Variants in FUT1 observed in about 807,000 individuals in gnomAD.
FUT1 encodes the protein fucosyltransferase 1 (H blood group).
For synonymous variants in FUT1, 215 were observed against 208.7 expected (o/e 1.03, Z -0.26); for missense variants, 476 against 492.7 (o/e 0.97, Z 0.32).
At position 48,748,924 on chromosome 19, in the gene FUT1, G is replaced by T; in HGVS notation, c.*1260C>A. The T allele has an allele frequency of 6.5e-6, 1 of 152,750 alleles. No homozygotes were observed. Among genetic ancestry groups the T allele is most frequent in the South Asian group, 1.9e-4 (1 of 5,342 alleles). The allele number at this position is 152,750 out of a possible 1,614,324, so 9.5% of individuals were successfully genotyped here. A position where few individuals can be genotyped will look rare whatever the true frequency, so the allele number is the denominator to read the frequency against. On this transcript the variant is annotated 3_prime_UTR_variant, in exon 2 of 2. Transcript: ENST00000645652. Reference sequence around the variant, plus strand: ...CCCAGCATTCTGGGAGGCCAAGGTGGGAGGACTGCTTGAGCCCAGGAGTTG... The same window carrying T: ...CCCAGCATTCTGGGAGGCCAAGGTGTGAGGACTGCTTGAGCCCAGGAGTTG...
At chr19:48,752,982 C>T (rs2034027940), upstream of FUT1, 1 of 810,550 alleles carries the variant, frequency 1.2e-6, no homozygotes, top group Admixed American at 6.2e-5. This position sits in a 1 kb window ranked among gnomAD's most constrained non-coding sequence, Gnocchi z 4.3. Context: ...AATCCGCCGC[C>T]CTCTCTCTTC....
chr19:48,750,085 C>T lies in FUT1; in HGVS notation c.*99G>A, dbSNP rs2033969547. On this transcript the variant is annotated 3_prime_UTR_variant, in exon 2 of 2. Transcript: ENST00000645652. ...TCTGGATACGGGCACCCATTTGCTT[C>T]AGGAACACCACAAGCTTCTCCAGAA... 4 of 1,455,952 alleles carry T rather than the reference C, an allele frequency of 2.7e-6. No individual in the cohort carries two copies. The African/African-American group carries it at 5.6e-5, about 20-fold the overall frequency. 90.2% of individuals were successfully genotyped at this position (1,455,952 alleles called of 1,614,324 possible).
rs1019477436 is a variant in FUT1 at position 48,750,405 on chromosome 19, C to G, written c.877G>C (p.Asp293His). 1.9e-6 allele frequency: 3 copies of G among 1,614,244 alleles called. No homozygotes were observed. The Admixed American group carries it at 5.0e-5, about 27-fold the overall frequency. ...GDGQEATPWK[D>H]FALLTQCNHT... ...TTGCACTGTGTGAGCAGGGCAAAGTCTTTCCACGGTGTAGCCTCCTGTCCA... is the reference window on the plus strand; with the variant it reads ...TTGCACTGTGTGAGCAGGGCAAAGTGTTTCCACGGTGTAGCCTCCTGTCCA... Residue 293 changes from aspartate to histidine, a missense_variant, in exon 2 of 2, where the codon GAC becomes CAC. Physicochemically the swap from Asp to His is moderately conservative, Grantham distance 81. Coordinates refer to ENST00000645652, the MANE Select transcript of FUT1 (RefSeq NM_001384359.1).
At position 48,750,809 on chromosome 19, in the gene FUT1, C is replaced by T. The variant is rs762738599; in HGVS notation, c.473G>A (p.Arg158Lys). The change falls in exon 2 of 2, where the codon AGA (arginine) becomes AAA (lysine). Residue 158 changes from arginine to lysine, a missense_variant. Coordinates refer to ENST00000645652, the MANE Select transcript of FUT1 (RefSeq NM_001384359.1). Reference sequence around the variant, plus strand: ...GCCAGAGAGCTTCAGGAAAGGATCTCTCAAGTCCGCGTACTCCTCCGACAT... The same window carrying T: ...GCCAGAGAGCTTCAGGAAAGGATCTTTCAAGTCCGCGTACTCCTCCGACAT... ...DWMSEEYADL[R>K]DPFLKLSGFP... 31 of 1,613,870 alleles carry T rather than the reference C, an allele frequency of 1.9e-5. No individual in the cohort carries two copies. In the Admixed American group the frequency reaches 5.2e-4, roughly 27 times the overall value.
upstream of FUT1, chr19:48,753,307 A>G (rs557634534): frequency 6.6e-6 from 1 of 152,540 alleles, no homozygotes; most frequent in Admixed American, 6.5e-5. Flanking sequence ...TCCCGTGCCA[A>G]ACTGCTACTT....
In FUT1 at chr19:48,750,518, G is replaced by C; in HGVS notation, c.764C>G (p.Ala255Gly). 1 of 1,613,730 alleles carries C rather than the reference G, an allele frequency of 6.2e-7. No individual in the cohort carries two copies. Among genetic ancestry groups the C allele is most frequent in the South Asian group, 1.1e-5 (1 of 91,082 alleles). Residue 255 changes from alanine to glycine, a missense_variant, in exon 2 of 2, where the codon GCC (alanine) becomes GGC (glycine). By Grantham distance (60) the Ala-to-Gly change is moderately conservative. Transcript: ENST00000645652. Reference sequence around the variant, plus strand: ...GTTGCTGGTGACCACGAAAACGGGGGCTTCGTGCCGTGCCCGGAACCAGTC... The same window carrying C: ...GTTGCTGGTGACCACGAAAACGGGGCCTTCGTGCCGTGCCCGGAACCAGTC... ...AMDWFRARHE[A>G]PVFVVTSNGM...
Position 48,748,832 on chromosome 19 carries a change from G to C in FUT1, c.*1352C>G, listed in dbSNP as rs1260706426. On this transcript the variant is annotated 3_prime_UTR_variant, in exon 2 of 2. Transcript: ENST00000645652. The stretch of plus-strand genomic sequence containing the variant: ...AGCAATGGTGGAACATTCATTAGAT[G>C]CTACAATTAGGTTGCACATTCATTA... 1 of 152,170 alleles carries C rather than the reference G, an allele frequency of 6.6e-6. No homozygotes were observed. Among genetic ancestry groups the C allele is most frequent in the Non-Finnish European group, 1.5e-5 (1 of 68,038 alleles). 9.4% of individuals were successfully genotyped at this position (152,170 alleles called of 1,614,324 possible).
At chr19:48,752,997 G>T, upstream of FUT1, 1 of 748,494 alleles carries the variant, frequency 1.3e-6, no homozygotes, top group Non-Finnish European at 1.6e-6. The surrounding 1 kb of genome is among the most constrained non-coding windows in gnomAD (Gnocchi z 4.3). Flanking sequence ...CTCTTCCGGT[G>T]CCAGGGCTTA....
rs764739319 is a variant in FUT1, at chr19:48,750,240, C to G, written c.1042G>C (p.Glu348Gln). Residue 348 changes from glutamate (E) to glutamine (Q), a missense_variant, in exon 2 of 2, where the codon GAG becomes CAG. Transcript: ENST00000645652. ...IFKPEAAFLP[E>Q]WVGINADLSP... is the part of the protein sequence containing the mutation. ...AAGTCTGCATTAATGCCCACCCACT[C>G]GGGCAGGAAGGCCGCCTCCGGCTTA... The G allele has an allele frequency of 6.2e-7, 1 of 1,613,268 alleles. No individual in the cohort carries two copies. Among genetic ancestry groups the G allele is most frequent in the Non-Finnish European group, 8.5e-7 (1 of 1,179,620 alleles).
chr19:48,750,333 G>A lies in FUT1; in HGVS notation c.949C>T (p.Leu317=). The change falls in exon 2 of 2, where the codon CTG becomes TTG. Residue 317 remains leucine (L), a synonymous_variant. Coordinates refer to ENST00000645652, the MANE Select transcript of FUT1 (RefSeq NM_001384359.1). ...IGTFGFWAAY[L]AGGDTVYLAN... Reference sequence around the variant, plus strand: ...AGGTAGACAGTGTCTCCGCCAGCCAGGTAGGCAGCCCAGAAGCCGAAGGTG... The same window carrying A: ...AGGTAGACAGTGTCTCCGCCAGCCAAGTAGGCAGCCCAGAAGCCGAAGGTG... The A allele has an allele frequency of 4.3e-6, 7 of 1,614,230 alleles. No individual in the cohort carries two copies. Among genetic ancestry groups the A allele is most frequent in the Non-Finnish European group, 5.1e-6 (6 of 1,180,044 alleles).
intron 1 of FUT1, 45 bp from the exon 2 acceptor site, chr19:48,751,328 G>T: frequency 1.9e-6 from 3 of 1,604,268 alleles, no homozygotes; most frequent in Non-Finnish European, 1.7e-6. Context: ...TGAGGCTGAG[G>T]AGGGGAGGCT....
upstream of FUT1, chr19:48,752,906 G>T (rs1010756229): frequency 1.1e-5 from 11 of 985,396 alleles, no homozygotes; most frequent in Non-Finnish European, 1.3e-5. This position sits in a 1 kb window ranked among gnomAD's most constrained non-coding sequence, Gnocchi z 4.3. Context: ...CTTCTGAGCA[G>T]CCGCAGCATC....
In FUT1 at chr19:48,751,201, G is replaced by T; in HGVS notation, c.81C>A (p.Ile27=). 6.2e-7 allele frequency: 1 copy of T among 1,614,206 alleles called. No homozygotes were observed. Among genetic ancestry groups the T allele is most frequent in the Non-Finnish European group, 8.5e-7 (1 of 1,180,036 alleles). The part of the protein sequence containing the change: ...CVLSVIFFLH[I]HQDSFPHGLG... ...GGCCATGTGGAAAGCTGTCTTGATGGATATGGAGGAAGAAGATTACAGAGA... is the reference window on the plus strand; with the variant it reads ...GGCCATGTGGAAAGCTGTCTTGATGTATATGGAGGAAGAAGATTACAGAGA... The change falls in exon 2 of 2, where the codon ATC becomes ATA. Residue 27 remains isoleucine, a synonymous_variant. Coordinates refer to ENST00000645652, the MANE Select transcript of FUT1 (RefSeq NM_001384359.1).
In FUT1 at chr19:48,752,187, C is replaced by T. The variant is rs981438543; in HGVS notation, c.-3+303G>A. Among the ~76,000 whole-genome samples the T allele has an allele frequency of 2.6e-5, 4 of 151,794 alleles. No individual in the cohort carries two copies. The highest frequency in any genetic ancestry group is 4.8e-5 in the African/African-American group (2 of 41,322). On this transcript the variant is annotated intron_variant, in intron 1 of 1. Transcript: ENST00000645652. The surrounding 1 kb of genome is among the most constrained non-coding windows in gnomAD (Gnocchi z 4.3). ...CCTGAAGGAATCTCGAGTCTCCCCT[C>T]CTGTAAGTTCCGCTGATACTGGACT...
At chr19:48,752,892 C>G, upstream of FUT1, 1 of 985,566 alleles carries the variant, frequency 1.0e-6, no homozygotes, top group African/African-American at 1.7e-5. The surrounding 1 kb of genome is among the most constrained non-coding windows in gnomAD (Gnocchi z 4.3). Flanking sequence ...GGCAGGCTAC[C>G]TGGCTTCTGA....
In FUT1 at chr19:48,750,954, C is replaced by T. The variant is rs56342683; in HGVS notation, c.328G>A (p.Ala110Thr). ...LALAQLNGRR[A>T]FILPAMHAAL... The stretch of plus-strand genomic sequence containing the variant: ...GCATGCATGGCAGGCAGGATAAAGG[C>T]CCGGCGGCCGTTGAGCTGGGCCAGA... The change falls in exon 2 of 2, where the codon GCC becomes ACC. Residue 110 changes from alanine to threonine, a missense_variant. By Grantham distance (58) the Ala-to-Thr change is moderately conservative (BLOSUM62 0). Transcript: ENST00000645652. 31 of 1,605,712 alleles carry T rather than the reference C, an allele frequency of 1.9e-5. 1 individual carries two copies. In the East Asian group the frequency reaches 2.2e-4, roughly 12 times the overall value.
In FUT1 at chr19:48,750,451, G is replaced by T; in HGVS notation, c.831C>A (p.Gly277=). The change falls in exon 2 of 2, where the codon GGC becomes GGA. Residue 277 remains glycine, a synonymous_variant. Coordinates refer to ENST00000645652, the MANE Select transcript of FUT1 (RefSeq NM_001384359.1). The stretch of plus-strand genomic sequence containing the variant: ...GTCCATCGCCAGCAAACGTCACATC[G>T]CCCTGGGAGGTGTCGATGTTTTCTT... ...WCKENIDTSQ[G]DVTFAGDGQE... is the part of the protein sequence containing the mutation. The T allele has an allele frequency of 6.2e-7, 1 of 1,614,200 alleles. No individual in the cohort carries two copies. Among genetic ancestry groups the T allele is most frequent in the South Asian group, 1.1e-5 (1 of 91,084 alleles).
rs779529388 is a variant in FUT1 at position 48,750,253 on chromosome 19, C to A, written c.1029G>T (p.Ala343=). Residue 343 remains alanine, a synonymous_variant, in exon 2 of 2, where the codon GCG becomes GCT. Coordinates refer to ENST00000645652, the MANE Select transcript of FUT1 (RefSeq NM_001384359.1). ...SEFLKIFKPE[A]AFLPEWVGIN... is the part of the protein sequence containing the mutation. ...TGCCCACCCACTCGGGCAGGAAGGC[C>A]GCCTCCGGCTTAAAGATCTTCAGGA... 10 of 1,613,854 alleles carry A rather than the reference C, an allele frequency of 6.2e-6. No individual in the cohort carries two copies. The highest frequency in any genetic ancestry group is 8.5e-6 in the Non-Finnish European group (10 of 1,179,916).
At chr19:48,752,966 A>G, upstream of FUT1, 1 of 911,218 alleles carries the variant, frequency 1.1e-6, no homozygotes, top group Non-Finnish European at 1.3e-6. This position sits in a 1 kb window ranked among gnomAD's most constrained non-coding sequence, Gnocchi z 4.3. Context: ...TGGAGCCGGG[A>G]GGTCCAATCC....
Sources: gnomAD v4.1 joint callset for allele counts (sites outside exome capture counted in the v4.1 genomes callset) on GRCh38, gnomAD v4.1.1 for gene constraint, Gnocchi (gnomAD v3.1) non-coding constraint, MANE v1.5 for transcripts, NCBI Gene and HGNC (gene_info 2026-07-23, HGNC 2026-07-21) for gene names.